Variants in KIAA0930 observed in about 807,000 individuals in gnomAD.
KIAA0930 encodes KIAA0930, also known as uncharacterized protein KIAA0930.
Under a neutral mutation model 43.9 loss-of-function variants are expected in KIAA0930, and 24 were observed. The ratio of observed to expected loss-of-function variants is 0.55; its 90% CI spans 0.40 to 0.77. The LOEUF is 0.77. Among genes scored for constraint, KIAA0930 ranks in the 30% least tolerant of loss-of-function variants. KIAA0930 has a pLI of 0.00. For synonymous variants in KIAA0930, 259 were observed against 216.4 expected, an observed-to-expected ratio of 1.20 and a Z score of -1.73; for missense variants, 461 against 574.2, an observed-to-expected ratio of 0.80 and a Z score of 2.02.
At chr22:45,226,618 T>C (rs2083802772) in intron 1 of KIAA0930, among the ~76,000 whole-genome samples, 1 of 152,000 alleles carries the variant, frequency 6.6e-6, no homozygotes, top group African/African-American at 2.4e-5. Flanking sequence ...AGTGGTTCCA[T>C]ATTCAAATTC....
chr22:45,197,234 G>GAA lies in KIAA0930; in HGVS notation c.1175-20_1175-19dup. ...CAGGATGTCTAGGGCCGGCAGGAGGGAAGCAGGTGAAACAGTAACCCTCAA... is the reference window on the plus strand; with the variant it reads ...CAGGATGTCTAGGGCCGGCAGGAGGGAAAAGCAGGTGAAACAGTAACCCTCAA... On this transcript the variant is annotated intron_variant, in intron 9 of 9. Coordinates refer to ENST00000336156, the MANE Select transcript of KIAA0930 (RefSeq NM_001009880.2). 1 of 1,549,146 alleles carries GAA rather than the reference G, an allele frequency of 6.5e-7. No homozygotes were observed. Among genetic ancestry groups the GAA allele is most frequent in the Non-Finnish European group, 8.7e-7 (1 of 1,145,684 alleles).
chr22:45,198,051 C>T, intron 8 of KIAA0930, 103 bp from the exon 9 acceptor site: 1 of 1,151,882 alleles, frequency 8.7e-7, no homozygotes. Flanking sequence ...TCTGCTGAGG[C>T]CAGGACGCTC....
At chr22:45,212,546 G>T in intron 1 of KIAA0930, 1 of 1,401,816 alleles carries the variant, frequency 7.1e-7, no homozygotes, top group Non-Finnish European at 9.3e-7. Flanking sequence ...CCCCCTGGCT[G>T]CGGCAGTCCC....
rs2083513776 is a variant in KIAA0930 at position 45,194,047 on chromosome 22, T to C, written c.*3129A>G. On this transcript the variant is annotated 3_prime_UTR_variant, in exon 10 of 10. Transcript: ENST00000336156. ...AAGGGGGTTTGGGTTTAAAGACCAATGTATCTTTTTTTTTTTTTTTTTTTT... is the reference window on the plus strand; with the variant it reads ...AAGGGGGTTTGGGTTTAAAGACCAACGTATCTTTTTTTTTTTTTTTTTTTT... 1 of 128,478 alleles carries C rather than the reference T, an allele frequency of 7.8e-6. No individual in the cohort carries two copies. Among genetic ancestry groups the C allele is most frequent in the South Asian group, 2.6e-4 (1 of 3,862 alleles). 8.0% of individuals were successfully genotyped at this position (128,478 alleles called of 1,614,324 possible).
chr22:45,239,842 G>C (rs547252259), intron 1 of KIAA0930, among the ~76,000 whole-genome samples: 56 of 152,084 alleles, frequency 3.7e-4, no homozygotes, highest in Non-Finnish European at 6.9e-4. Context: ...TCTTTTCCAT[G>C]GAGAAAATGA....
chr22:45,196,973 G>A lies in KIAA0930; in HGVS notation c.*203C>T, dbSNP rs550294402. Reference sequence around the variant, plus strand: ...GGCGGGGGGCACAGGGCGGAGCAGCGCCAGCAGGGGAGGGAAGAGGCACTT... The same window carrying A: ...GGCGGGGGGCACAGGGCGGAGCAGCACCAGCAGGGGAGGGAAGAGGCACTT... On this transcript the variant is annotated 3_prime_UTR_variant, in exon 10 of 10. Coordinates refer to ENST00000336156, the MANE Select transcript of KIAA0930 (RefSeq NM_001009880.2). The surrounding 1 kb of genome is among the most constrained non-coding windows in gnomAD (Gnocchi z 4.1). The A allele has an allele frequency of 7.4e-6, 4 of 541,208 alleles. No homozygotes were observed. The highest frequency in any genetic ancestry group is 3.6e-5 in the Admixed American group (1 of 27,996). The allele number at this position is 541,208 out of a possible 1,614,324, so 33.5% of individuals were successfully genotyped here. A position where few individuals can be genotyped will look rare whatever the true frequency, so the allele number is the denominator to read the frequency against.
chr22:45,208,489 GCAC>G (rs2083660880), intron 2 of KIAA0930, among the ~76,000 whole-genome samples: 1 of 97,160 alleles, frequency 1.0e-5, no homozygotes, highest in Non-Finnish European at 2.5e-5. Flanking sequence ...GACTCCACAC[GCAC>G]GAGCTGTAAG....
intron 2 of KIAA0930, among the ~76,000 whole-genome samples, chr22:45,210,701 G>A (rs1254110506): frequency 2.7e-5 from 3 of 109,752 alleles, no homozygotes; most frequent in Admixed American, 9.3e-5. Context: ...GTTCTTACTC[G>A]GGGATCCCAT....
At chr22:45,208,493 G>A (rs909455088) in intron 2 of KIAA0930, among the ~76,000 whole-genome samples, 5 of 151,696 alleles carry the variant, frequency 3.3e-5, no homozygotes, top group Admixed American at 2.6e-4. Context: ...CCACACGCAC[G>A]AGCTGTAAGA....
chr22:45,230,239 G>A (rs897092676), intron 1 of KIAA0930, among the ~76,000 whole-genome samples: 2 of 152,182 alleles, frequency 1.3e-5, no homozygotes, highest in Non-Finnish European at 2.9e-5. Flanking sequence ...ACACAGGGCG[G>A]GCAGCGAGTC....
At position 45,212,025 on chromosome 22, in the gene KIAA0930, G is replaced by A. The variant is rs746723463; in HGVS notation, c.147C>T (p.Asp49=). ...TCCGGCGCACATAGAAAAGCATGTC[G>A]TCCTGCCGGGGAGCCCATTTCTCCA... The part of the protein sequence containing the change: ...YFMEKWAPRQ[D]DMLFYVRRKL... Residue 49 remains aspartate, a synonymous_variant, in exon 2 of 10, where the codon GAC becomes GAT. Coordinates refer to ENST00000336156, the MANE Select transcript of KIAA0930 (RefSeq NM_001009880.2). The A allele has an allele frequency of 2.9e-5, 46 of 1,613,708 alleles. No individual in the cohort carries two copies. The highest frequency in any genetic ancestry group is 6.7e-5 in the Admixed American group (4 of 59,998).
At chr22:45,219,588 T>G (rs957391142) in intron 1 of KIAA0930, among the ~76,000 whole-genome samples, 1 of 133,948 alleles carries the variant, frequency 7.5e-6, no homozygotes, top group African/African-American at 3.2e-5. Flanking sequence ...GATTGTTTTT[T>G]TTTTTTTTTT....
rs753309858 is a variant in KIAA0930, at chr22:45,205,823, C to G, written c.306G>C (p.Glu102Asp). Residue 102 changes from glutamate to aspartate, a missense_variant, in exon 3 of 10, where the codon GAG (glutamate) becomes GAC (aspartate). Physicochemically the swap from Glu to Asp is conservative, Grantham distance 45 (BLOSUM62 2). Coordinates refer to ENST00000336156, the MANE Select transcript of KIAA0930 (RefSeq NM_001009880.2). The part of the protein sequence containing the change: ...GLGDPDIDWE[E>D]SVCLNLILQK... ...GCAGGATGAGATTCAGGCAGACGCT[C>G]TCCTCCCAGTCGATGTCAGGGTCTC... 16 of 1,609,616 alleles carry G rather than the reference C, an allele frequency of 9.9e-6. No individual in the cohort carries two copies. The highest frequency in any genetic ancestry group is 1.7e-6 in the Non-Finnish European group (2 of 1,178,334).
In KIAA0930 at chr22:45,197,044, G is replaced by A. The variant is rs1001461441; in HGVS notation, c.*132C>T. 3 of 743,716 alleles carry A rather than the reference G, an allele frequency of 4.0e-6. No individual in the cohort carries two copies. Among genetic ancestry groups the A allele is most frequent in the Admixed American group, 3.5e-5 (1 of 28,808 alleles). The allele number at this position is 743,716 out of a possible 1,614,324, so 46.1% of individuals were successfully genotyped here. A position where few individuals can be genotyped will look rare whatever the true frequency, so the allele number is the denominator to read the frequency against. The stretch of plus-strand genomic sequence containing the variant: ...GGAGTCGGCCCCGGCCCCGGGAGTC[G>A]AGTGGCCTCGCCTGGCTGCGGCTCC... On this transcript the variant is annotated 3_prime_UTR_variant, in exon 10 of 10. Coordinates refer to ENST00000336156, the MANE Select transcript of KIAA0930 (RefSeq NM_001009880.2).
At chr22:45,216,003 G>A (rs927684641) in intron 1 of KIAA0930, among the ~76,000 whole-genome samples, 4 of 149,744 alleles carry the variant, frequency 2.7e-5, no homozygotes, top group Non-Finnish European at 5.9e-5. Context: ...TCTCCAGCCT[G>A]GGCGACAGAG....
At chr22:45,210,267 G>A (rs530119517) in intron 2 of KIAA0930, among the ~76,000 whole-genome samples, 10 of 152,326 alleles carry the variant, frequency 6.6e-5, no homozygotes, top group African/African-American at 1.2e-4. Flanking sequence ...CACAGTGGAC[G>A]GAGGCAGGGG....
intron 1 of KIAA0930, among the ~76,000 whole-genome samples, chr22:45,227,965 C>A (rs1414516319): frequency 2.0e-5 from 3 of 151,916 alleles, no homozygotes; most frequent in African/African-American, 7.3e-5. Context: ...GAATCCTAGA[C>A]CCCTACACCC....
intron 7 of KIAA0930, 38 bp from the exon 8 acceptor site, chr22:45,200,073 C>T (rs1444669020): frequency 1.3e-6 from 2 of 1,549,400 alleles, no homozygotes; most frequent in East Asian, 2.5e-5. Context: ...AGTAGCAGAA[C>T]AGCCCCCTCC....
At chr22:45,200,257 T>C in intron 7 of KIAA0930, 1 of 450,804 alleles carries the variant, frequency 2.2e-6, no homozygotes, top group Non-Finnish European at 3.9e-6. Flanking sequence ...CCACCAGTGC[T>C]ACCCGAGGAG....
Sources: allele counts gnomAD v4.1 joint callset (sites outside exome capture counted in the v4.1 genomes callset), GRCh38; gene constraint gnomAD v4.1.1; non-coding constraint Gnocchi (gnomAD v3.1); transcripts MANE v1.5; gene names NCBI Gene and HGNC (gene_info 2026-07-23, HGNC 2026-07-21).